Variants in GPC3 observed in about 807,000 individuals in gnomAD.
GPC3 encodes the protein glypican 3.
In GPC3, 3 loss-of-function variants were observed where a neutral mutation model predicts 34.4. That is an observed-to-expected ratio of 0.09 (90% CI 0.04 to 0.23). GPC3 has a LOEUF of 0.23. Among genes scored for constraint, GPC3 ranks in the 10% least tolerant of loss-of-function variants. The pLI, the probability that GPC3 is intolerant of heterozygous loss-of-function variation, is 1.00. For synonymous variants in GPC3, 177 were observed against 174.0 expected (o/e 1.02, Z -0.13); for missense variants, 351 against 445.6 (o/e 0.79, Z 1.91).
chrX:133,934,370 T>C (rs1157455573), intron 2 of GPC3, among the ~76,000 whole-genome samples: 1 of 108,353 alleles, frequency 9.2e-6, no homozygotes, highest in East Asian at 2.9e-4. Context: ...TAATTTTGTA[T>C]TTTTAGTAGA....
chrX:133,788,240 G>C (rs1422591214), intron 2 of GPC3, among the ~76,000 whole-genome samples: 2 of 104,955 alleles, frequency 1.9e-5, no homozygotes, highest in Non-Finnish European at 3.9e-5. Context: ...ACCAGACAGA[G>C]GATATAACAA....
chrX:133,626,320 G>C (rs1043775042), intron 6 of GPC3, among the ~76,000 whole-genome samples: 9 of 110,566 alleles, frequency 8.1e-5, no homozygotes, highest in South Asian at 3.8e-4. Flanking sequence ...CAAATGGGAT[G>C]TAATTAAACT....
chrX:133,948,109 C>T (rs1369829676), intron 2 of GPC3, among the ~76,000 whole-genome samples: 2 of 110,669 alleles, frequency 1.8e-5, no homozygotes, highest in Non-Finnish European at 1.9e-5. Flanking sequence ...ACTTAAAACC[C>T]CCACTACATA....
chrX:133,855,530 G>T (rs865829354), intron 2 of GPC3, among the ~76,000 whole-genome samples: 5 of 91,193 alleles, frequency 5.5e-5, no homozygotes, highest in African/African-American at 1.3e-4. Flanking sequence ...GCTGTTACAA[G>T]ATATATATAT....
At chrX:133,560,545 C>T (rs1229175970) in intron 7 of GPC3, among the ~76,000 whole-genome samples, 1 of 111,961 alleles carries the variant, frequency 8.9e-6, no homozygotes, top group African/African-American at 3.3e-5. Flanking sequence ...TCGAGACAAA[C>T]TTGGTCAACA....
intron 1 of GPC3, among the ~76,000 whole-genome samples, chrX:133,970,619 C>G (rs2076487358): frequency 9.4e-6 from 1 of 106,216 alleles, no homozygotes; most frequent in Admixed American, 1.0e-4. Flanking sequence ...AAAAGGCTTC[C>G]ATTTAATTGT....
At position 133,665,385 on chromosome X, in the gene GPC3, C is replaced by T. The variant is rs138539010; in HGVS notation, c.1293-3535G>A. ...TATTTCTTTATTACTAAAAATTTCA[C>T]AACTTCAGAACATACTAATCTCATT... is the stretch of plus-strand genomic sequence containing the variant. On this transcript the variant is annotated intron_variant, in intron 5 of 7. Coordinates refer to ENST00000370818, the MANE Select transcript of GPC3 (RefSeq NM_004484.4). 5.4e-3 allele frequency among the ~76,000 whole-genome samples: 599 copies of T among 111,739 alleles called. 5 individuals are homozygous for T. The highest frequency in any genetic ancestry group is 0.018 in the African/African-American group (562 of 30,775).
intron 2 of GPC3, among the ~76,000 whole-genome samples, chrX:133,760,065 G>A (rs1038114512): frequency 8.9e-6 from 1 of 111,854 alleles, no homozygotes; most frequent in African/African-American, 3.2e-5. Context: ...TTAGGGAACT[G>A]CAAATTAAAA....
intron 2 of GPC3, among the ~76,000 whole-genome samples, chrX:133,771,708 T>C (rs1171121022): frequency 8.9e-6 from 1 of 112,458 alleles, no homozygotes; most frequent in Non-Finnish European, 1.9e-5. Flanking sequence ...TGGAAGTCAC[T>C]ACAGTCTATG....
At chrX:133,979,616 T>C (rs1415320209) in intron 1 of GPC3, among the ~76,000 whole-genome samples, 2 of 111,619 alleles carry the variant, frequency 1.8e-5, no homozygotes, top group Non-Finnish European at 3.8e-5. Context: ...AAACACGCAT[T>C]TTCTCTGCTG....
chrX:133,587,091 G>C (rs2069796000), intron 7 of GPC3, among the ~76,000 whole-genome samples: 1 of 111,511 alleles, frequency 9.0e-6, no homozygotes, highest in Non-Finnish European at 1.9e-5. Flanking sequence ...CCTTTGACAT[G>C]TCTCTCCCTA....
chrX:133,749,398 G>C (rs2071640066), intron 3 of GPC3, among the ~76,000 whole-genome samples: 2 of 111,941 alleles, frequency 1.8e-5, no homozygotes, highest in African/African-American at 6.5e-5. Flanking sequence ...AGCCGAGTTT[G>C]AGAACAGGAT....
At chrX:133,619,766 A>G (rs1004683335) in intron 6 of GPC3, among the ~76,000 whole-genome samples, 1 of 110,945 alleles carries the variant, frequency 9.0e-6, no homozygotes, top group African/African-American at 3.3e-5. Flanking sequence ...ATATACTAAT[A>G]ACCACTGAAT....
chrX:133,551,562 C>T (rs1190471612), intron 7 of GPC3, among the ~76,000 whole-genome samples: 1 of 111,456 alleles, frequency 9.0e-6, no homozygotes, highest in Non-Finnish European at 1.9e-5. Flanking sequence ...TTTCTCCTGT[C>T]TCCATAATGC....
At chrX:133,559,777 T>C (rs138372639) in intron 7 of GPC3, among the ~76,000 whole-genome samples, 185 of 111,964 alleles carry the variant, frequency 1.7e-3, no homozygotes, top group Non-Finnish European at 2.0e-3. Flanking sequence ...CGTAAGATGT[T>C]ATTTTTTATT....
chrX:133,625,670 C>A (rs769611034), intron 6 of GPC3, among the ~76,000 whole-genome samples: 1 of 111,692 alleles, frequency 9.0e-6, no homozygotes, highest in Non-Finnish European at 1.9e-5. Context: ...TAAGAGGACA[C>A]AAACAAATGG....
At chrX:133,746,419 C>T (rs191349797) in intron 3 of GPC3, among the ~76,000 whole-genome samples, 43 of 112,492 alleles carry the variant, frequency 3.8e-4, no homozygotes, top group African/African-American at 1.3e-3. Flanking sequence ...CTGTAATATA[C>T]GTATAATTTC....
intron 7 of GPC3, among the ~76,000 whole-genome samples, chrX:133,593,526 A>T (rs1365313443): frequency 9.2e-6 from 1 of 108,998 alleles, no homozygotes; most frequent in Non-Finnish European, 1.9e-5. Context: ...AGGCTAGACC[A>T]GAAGACCCTC....
intron 7 of GPC3, among the ~76,000 whole-genome samples, chrX:133,559,392 C>T (rs1321063089): frequency 8.9e-6 from 1 of 111,769 alleles, no homozygotes; most frequent in Non-Finnish European, 1.9e-5. Context: ...CTGTTGTTTG[C>T]TAGACACTGT....
Sources: allele counts gnomAD v4.1 joint callset (sites outside exome capture counted in the v4.1 genomes callset), GRCh38; gene constraint gnomAD v4.1.1; transcripts MANE v1.5; gene names NCBI Gene and HGNC (gene_info 2026-07-23, HGNC 2026-07-21).